Variants in SLC4A4 observed in about 807,000 individuals in gnomAD.
SLC4A4 encodes electrogenic sodium bicarbonate cotransporter 1.
A neutral mutation model predicts 111.5 loss-of-function variants in SLC4A4; 27 were observed. The observed-to-expected ratio is 0.24, with a 90% CI of 0.18 to 0.33. SLC4A4 has a LOEUF of 0.33. Among genes scored for constraint, SLC4A4 ranks in the 10% least tolerant of loss-of-function variants. The pLI is 1.00. For synonymous variants in SLC4A4, 443 were observed against 463.4 expected (o/e 0.96, Z 0.57); for missense variants, 909 against 1,315.5 (o/e 0.69, Z 4.78).
chr4:71,240,209 A>T (rs768152458), intron 2 of SLC4A4, among the ~76,000 whole-genome samples: 17 of 152,226 alleles, frequency 1.1e-4, no homozygotes, highest in Non-Finnish European at 2.4e-4. Context: ...AAAGCCAGCC[A>T]GAATTTTGGA....
At chr4:71,270,511 T>G (rs910111874) in intron 3 of SLC4A4, among the ~76,000 whole-genome samples, 1 of 152,126 alleles carries the variant, frequency 6.6e-6, no homozygotes, top group African/African-American at 2.4e-5. Context: ...AGGGGATGGG[T>G]TTTGGAATAA....
intron 12 of SLC4A4, among the ~76,000 whole-genome samples, chr4:71,465,943 C>G (rs1251412927): frequency 6.6e-6 from 1 of 151,962 alleles, no homozygotes; most frequent in East Asian, 1.9e-4. Flanking sequence ...TTTTGGTCCC[C>G]TTTGTGCCCC....
intron 2 of SLC4A4, among the ~76,000 whole-genome samples, chr4:71,129,395 T>A (rs899449817): frequency 5.3e-5 from 8 of 151,962 alleles, no homozygotes; most frequent in Admixed American, 6.6e-5. Flanking sequence ...ATTAGAGAAA[T>A]GCAAATTAAA....
intron 15 of SLC4A4, 28 bp from the exon 16 acceptor site, chr4:71,497,473 G>C: frequency 6.3e-7 from 1 of 1,594,092 alleles, no homozygotes; most frequent in African/African-American, 1.3e-5. Context: ...ATGTTCTCTA[G>C]AAAAATTTTA....
At chr4:71,247,444 A>G (rs1387802841) in intron 2 of SLC4A4, among the ~76,000 whole-genome samples, 1 of 151,854 alleles carries the variant, frequency 6.6e-6, no homozygotes, top group Non-Finnish European at 1.5e-5. Context: ...ATAGCAACCA[A>G]GGACCCTTCA....
chr4:71,320,851 T>C lies in SLC4A4; in HGVS notation c.254-18519T>C, dbSNP rs1051770562. On this transcript the variant is annotated intron_variant, in intron 3 of 25. Coordinates refer to ENST00000264485, the MANE Select transcript of SLC4A4 (RefSeq NM_001098484.3). ...CGTTACCCCAAGCCTTAGAAGTGAC[T>C]AAATACTTTCTCTAACAGTTCTTTC... is the stretch of plus-strand genomic sequence containing the variant. Among the ~76,000 whole-genome samples, 6 of 152,188 alleles carry C rather than the reference T, an allele frequency of 3.9e-5. No individual in the cohort carries two copies. In the South Asian group the frequency reaches 6.2e-4, roughly 16 times the overall value.
chr4:71,153,775 T>A (rs1176583557), intron 2 of SLC4A4, among the ~76,000 whole-genome samples: 1 of 152,088 alleles, frequency 6.6e-6, no homozygotes, highest in Non-Finnish European at 1.5e-5. Flanking sequence ...TAGTAGCCAG[T>A]AAAGAGACAG....
At chr4:71,223,575 A>G (rs753646361) in intron 1 of SLC4A4, among the ~76,000 whole-genome samples, 1 of 152,158 alleles carries the variant, frequency 6.6e-6, no homozygotes, top group East Asian at 1.9e-4. Context: ...AGTTCAAACT[A>G]TTTTCAACTT....
In SLC4A4 at chr4:71,571,504, C is replaced by T. The variant is rs1186240316; in HGVS notation, c.*3753C>T. 1 of 152,168 alleles carries T rather than the reference C, an allele frequency of 6.6e-6. No individual in the cohort carries two copies. The highest frequency in any genetic ancestry group is 2.4e-5 in the African/African-American group (1 of 41,368). The allele number at this position is 152,168 out of a possible 1,614,324, so 9.4% of individuals were successfully genotyped here. On this transcript the variant is annotated 3_prime_UTR_variant, in exon 26 of 26. Coordinates refer to ENST00000264485, the MANE Select transcript of SLC4A4 (RefSeq NM_001098484.3). The stretch of plus-strand genomic sequence containing the variant: ...TAAAAAAGTTGTGTAATACGCCAAC[C>T]AGTCAAGTTGTGTTTTGGCCAGAGA...
chr4:71,424,310 T>A (rs1166016376), intron 7 of SLC4A4, among the ~76,000 whole-genome samples: 4 of 151,982 alleles, frequency 2.6e-5, no homozygotes, highest in Admixed American at 6.6e-5. Context: ...CACACCAGTT[T>A]GAATGGCAAT....
intron 15 of SLC4A4, among the ~76,000 whole-genome samples, chr4:71,488,251 A>G (rs1169146816): frequency 1.3e-5 from 2 of 151,504 alleles, no homozygotes; most frequent in African/African-American, 2.4e-5. Flanking sequence ...AAGAAAAGAA[A>G]TTGTTATCTA....
intron 5 of SLC4A4, among the ~76,000 whole-genome samples, chr4:71,354,038 T>A (rs189170896): frequency 1.3e-5 from 2 of 152,392 alleles, no homozygotes; most frequent in East Asian, 3.9e-4. Flanking sequence ...TAGAAAAATT[T>A]ATCTTTAAAG....
chr4:71,542,707 C>G (rs1220505123), intron 18 of SLC4A4, among the ~76,000 whole-genome samples: 2 of 152,076 alleles, frequency 1.3e-5, no homozygotes, highest in Non-Finnish European at 2.9e-5. Flanking sequence ...TTGGGTACCC[C>G]TCCTGGATGC....
intron 6 of SLC4A4, among the ~76,000 whole-genome samples, chr4:71,372,634 A>G (rs1236530243): frequency 1.3e-5 from 2 of 152,208 alleles, no homozygotes; most frequent in Non-Finnish European, 2.9e-5. Context: ...CTGAACTTCA[A>G]AGAAGAAAAG....
chr4:71,329,914 T>G (rs972163168), intron 3 of SLC4A4, among the ~76,000 whole-genome samples: 1 of 152,126 alleles, frequency 6.6e-6, no homozygotes, highest in African/African-American at 2.4e-5. Context: ...AGACTTTCAG[T>G]TTTTTGCCAT....
intron 3 of SLC4A4, among the ~76,000 whole-genome samples, chr4:71,322,970 C>T (rs1727235485): frequency 6.6e-6 from 1 of 151,870 alleles, no homozygotes; most frequent in Admixed American, 6.6e-5. Flanking sequence ...GAACCATGGC[C>T]AGTCCTGGTT....
intron 21 of SLC4A4, among the ~76,000 whole-genome samples, chr4:71,557,121 G>A (rs1736545639): frequency 6.6e-6 from 1 of 151,866 alleles, no homozygotes; most frequent in Non-Finnish European, 1.5e-5. Flanking sequence ...GTATTCATAT[G>A]GCTTTTCTCT....
intron 3 of SLC4A4, among the ~76,000 whole-genome samples, chr4:71,329,569 A>G (rs1727799055): frequency 6.6e-6 from 1 of 151,890 alleles, no homozygotes; most frequent in African/African-American, 2.4e-5. Flanking sequence ...ATCTTATTTT[A>G]TTTGTAATGA....
intron 2 of SLC4A4, among the ~76,000 whole-genome samples, chr4:71,109,427 A>AC (rs34910256): frequency 0.17 from 26,229 of 152,152 alleles, 2,431 homozygotes; most frequent in East Asian, 0.27. Flanking sequence ...GGAGGGAGGT[A>AC]AACAATAATG....
Sources: allele counts gnomAD v4.1 joint callset (sites outside exome capture counted in the v4.1 genomes callset), GRCh38; gene constraint gnomAD v4.1.1; transcripts MANE v1.5; gene names NCBI Gene and HGNC (gene_info 2026-07-23, HGNC 2026-07-21).